Variants in FTSJ3 observed in about 807,000 individuals in gnomAD.
FTSJ3 encodes pre-rRNA 2'-O-ribose RNA methyltransferase FTSJ3.
In FTSJ3, 46 loss-of-function variants were observed where a neutral mutation model predicts 111.5. That is an observed-to-expected ratio of 0.41 (90% CI 0.33 to 0.53). The LOEUF (loss-of-function observed/expected upper bound fraction) is 0.53, where lower values mean the gene tolerates loss of function less well. FTSJ3 is among the 20% of genes least tolerant of loss of function. The pLI is 0.19. For missense variants in FTSJ3, 1,075 were observed against 1,063.8 expected, an observed-to-expected ratio of 1.01 and a Z score of -0.15; for synonymous variants, 408 against 383.0, an observed-to-expected ratio of 1.07 and a Z score of -0.76.
At position 63,820,890 on chromosome 17, in the gene FTSJ3, A is replaced by C. The variant is rs114729867; in HGVS notation, c.2021T>G (p.Ile674Ser). 1.2e-6 allele frequency: 2 copies of C among 1,614,076 alleles called. No individual in the cohort carries two copies. The highest frequency in any genetic ancestry group is 2.7e-5 in the African/African-American group (2 of 74,932). Reference sequence around the variant, plus strand: ...TCTCTTGGCCTTTTTGGAAGAGGCAATAACAGCACCTAGAGCAAGGCCTTC... The same window carrying C: ...TCTCTTGGCCTTTTTGGAAGAGGCACTAACAGCACCTAGAGCAAGGCCTTC... Reference protein sequence around the residue: ...DPEGLALGAVIASSKKAKRDL... With the variant: ...DPEGLALGAVSASSKKAKRDL... The change falls in exon 18 of 21, where the codon ATT becomes AGT. Residue 674 changes from isoleucine (I) to serine (S), a missense_variant. Coordinates refer to ENST00000427159, the MANE Select transcript of FTSJ3 (RefSeq NM_017647.4).
In FTSJ3 at chr17:63,823,822, G is replaced by A; in HGVS notation, c.1285C>T (p.His429Tyr). 6.2e-7 allele frequency: 1 copy of A among 1,613,928 alleles called. No individual in the cohort carries two copies. The highest frequency in any genetic ancestry group is 1.1e-5 in the South Asian group (1 of 91,060). The change falls in exon 13 of 21, where the codon CAC (histidine) becomes TAC (tyrosine). Residue 429 changes from histidine (H) to tyrosine (Y), a missense_variant. By Grantham distance (83) the His-to-Tyr change is moderately conservative. This residue lies in a region of FTSJ3 where 867 missense variants were observed against 796.9 expected (regional missense o/e 1.09). Transcript: ENST00000427159. ...CACCCCCAATGCCGCCTCACCTGGT[G>A]ACCCCGGATGGTGCTCAAGGAGAAC... is the stretch of plus-strand genomic sequence containing the variant. ...GMFSLSTIRG[H>Y]QLLEEVTQGD...
At position 63,821,524 on chromosome 17, in the gene FTSJ3, C is replaced by T; in HGVS notation, c.1716G>A (p.Gln572=). 1 of 1,614,126 alleles carries T rather than the reference C, an allele frequency of 6.2e-7. No homozygotes were observed. The highest frequency in any genetic ancestry group is 8.5e-7 in the Non-Finnish European group (1 of 1,180,040). The change falls in exon 16 of 21, where the codon CAG becomes CAA. Residue 572 remains glutamine (Q), a synonymous_variant. Transcript: ENST00000427159. Reference sequence around the variant, plus strand: ...CAGTCTTCAAACAGGAAGGGGGTGTCTGTGGCAGCTGCTGCTTCTGCTGCT... The same window carrying T: ...CAGTCTTCAAACAGGAAGGGGGTGTTTGTGGCAGCTGCTGCTTCTGCTGCT... ...RQQQQKQQLP[Q]TPPSCLKTEI...
rs990844017 is a variant in FTSJ3, at chr17:63,823,757, C to T, written c.1290+60G>A. Reference sequence around the variant, plus strand: ...TAAAAAGACATTCAACACCCCCCACCTCCAAACACCCAAACAGATCCTTCT... The same window carrying T: ...TAAAAAGACATTCAACACCCCCCACTTCCAAACACCCAAACAGATCCTTCT... On this transcript the variant is annotated intron_variant, in intron 13 of 20. Coordinates refer to ENST00000427159, the MANE Select transcript of FTSJ3 (RefSeq NM_017647.4). 1.3e-5 allele frequency: 21 copies of T among 1,575,918 alleles called. No individual in the cohort carries two copies. The African/African-American group carries it at 1.8e-4, about 13-fold the overall frequency.
intron 8 of FTSJ3, 35 bp from the exon 9 acceptor site, chr17:63,824,964 C>T (rs2040084364): frequency 1.3e-6 from 2 of 1,577,800 alleles, no homozygotes; most frequent in Admixed American, 1.8e-5. Flanking sequence ...TGGTCAGGCC[C>T]TTCTAAGGTA....
Position 63,821,773 on chromosome 17 carries a change from C to T in FTSJ3, c.1546G>A (p.Glu516Lys). ...TCTTCCTGCAGTACTGCCTTTTCCT[C>T]CAGTGGTACCAGCAGTGGATTCTCC... Reference protein sequence around the residue: ...EEENPLLVPLEEKAVLQEEQA... With the variant: ...EEENPLLVPLKEKAVLQEEQA... The change falls in exon 15 of 21, where the codon GAG becomes AAG. Residue 516 changes from glutamate (E) to lysine (K), a missense_variant. Coordinates refer to ENST00000427159, the MANE Select transcript of FTSJ3 (RefSeq NM_017647.4). The T allele has an allele frequency of 6.2e-7, 1 of 1,614,152 alleles. No individual in the cohort carries two copies. Among genetic ancestry groups the T allele is most frequent in the Non-Finnish European group, 8.5e-7 (1 of 1,180,014 alleles).
chr17:63,825,438 T>G lies in FTSJ3; in HGVS notation c.401-2A>C, dbSNP rs1335407093. 1 of 1,614,014 alleles carries G rather than the reference T, an allele frequency of 6.2e-7. No individual in the cohort carries two copies. The highest frequency in any genetic ancestry group is 8.5e-7 in the Non-Finnish European group (1 of 1,180,022). On this transcript the variant is annotated splice_acceptor_variant, in intron 6 of 20. Transcript: ENST00000427159. LOFTEE classifies it high-confidence loss of function. ...GTAGAGCCATCAGTGTCAAATGGGC[T>G]GTAGGATAGAGACAATTAGTTGACG...
At position 63,827,450 on chromosome 17, in the gene FTSJ3, A is replaced by G. The variant is rs963903728; in HGVS notation, c.-425T>C. The stretch of plus-strand genomic sequence containing the variant: ...TCCTCCGCTTCCGCGCTTGCGCGCC[A>G]AGACGGCTCGGATGCCGGCGGTCTC... On this transcript the variant is annotated 5_prime_UTR_variant, in exon 1 of 21. Coordinates refer to ENST00000427159, the MANE Select transcript of FTSJ3 (RefSeq NM_017647.4). The G allele has an allele frequency of 1.7e-5, 26 of 1,551,600 alleles. No homozygotes were observed. The Admixed American group carries it at 3.9e-4, about 23-fold the overall frequency.
At chr17:63,821,315 G>A (rs1354420348) in intron 16 of FTSJ3, 39 bp downstream of exon 16, 20 of 1,574,242 alleles carry the variant, frequency 1.3e-5, no homozygotes, top group East Asian at 1.1e-4. Flanking sequence ...TCAAGCCACC[G>A]CTTCCTTTCC....
chr17:63,823,706 C>G, intron 13 of FTSJ3, 111 bp downstream of exon 13: 1 of 1,241,228 alleles, frequency 8.1e-7, no homozygotes, highest in Non-Finnish European at 1.1e-6. Context: ...GTGAAGACAG[C>G]AACCACAGCC....
intron 5 of FTSJ3, 178 bp from the exon 6 acceptor site, chr17:63,825,813 C>G: frequency 1.6e-6 from 1 of 641,810 alleles, no homozygotes; most frequent in East Asian, 2.7e-5. Flanking sequence ...TACAGTCTGA[C>G]ACTGAATTCA....
Position 63,827,166 on chromosome 17 carries a change from TG to T in FTSJ3, c.-142del. 1 of 606,948 alleles carries T rather than the reference TG, an allele frequency of 1.6e-6. No individual in the cohort carries two copies. The highest frequency in any genetic ancestry group is 2.9e-6 in the Non-Finnish European group (1 of 342,884). The allele number at this position is 606,948 out of a possible 1,614,324, so 37.6% of individuals were successfully genotyped here. On this transcript the variant is annotated 5_prime_UTR_variant, in exon 1 of 21. Transcript: ENST00000427159. ...GCTCGAGGTTTTCCGCCATTTTGAG[TG>T]TGGCCCTAGATTGTTCTCAATACTC...
chr17:63,826,602 T>G lies in FTSJ3; in HGVS notation c.138A>C (p.Arg46=). 1.2e-6 allele frequency: 2 copies of G among 1,614,068 alleles called. No individual in the cohort carries two copies. The highest frequency in any genetic ancestry group is 1.6e-4 in the Middle Eastern group (1 of 6,062). Residue 46 remains arginine, a synonymous_variant, in exon 3 of 21, where the codon CGA becomes CGC. Coordinates refer to ENST00000427159, the MANE Select transcript of FTSJ3 (RefSeq NM_017647.4). ...NRRFQFLQKA[R]ALLDLCAAPG... is the part of the protein sequence containing the mutation. ...GCGCAGCACACAGGTCCAGCAAGGCTCGGGCTTTCTGCAGGAACTGAAAGC... is the reference window on the plus strand; with the variant it reads ...GCGCAGCACACAGGTCCAGCAAGGCGCGGGCTTTCTGCAGGAACTGAAAGC...
Position 63,825,232 on chromosome 17 carries a change from T to C in FTSJ3, c.595+10A>G. 6.2e-7 allele frequency: 1 copy of C among 1,614,026 alleles called. No individual in the cohort carries two copies. Reference sequence around the variant, plus strand: ...GGAGCCTGGATCAAGAGAAAGGAAATGATGCCCACCTTGGCAGACTACAAA... The same window carrying C: ...GGAGCCTGGATCAAGAGAAAGGAAACGATGCCCACCTTGGCAGACTACAAA... On this transcript the variant is annotated intron_variant, in intron 7 of 20. Transcript: ENST00000427159.
Position 63,827,566 on chromosome 17 carries a change from G to A in FTSJ3, c.-541C>T, listed in dbSNP as rs1330653528. On this transcript the variant is annotated 5_prime_UTR_variant, in exon 1 of 21. Coordinates refer to ENST00000427159, the MANE Select transcript of FTSJ3 (RefSeq NM_017647.4). The stretch of plus-strand genomic sequence containing the variant: ...CAGGTTACGGGGCTGGGTGCGGAGC[G>A]AGCGTGATCTGAGTGGAGAGCGGGC... 1.9e-6 allele frequency: 3 copies of A among 1,551,322 alleles called. No individual in the cohort carries two copies. The highest frequency in any genetic ancestry group is 2.6e-6 in the Non-Finnish European group (3 of 1,146,918).
rs2040034554 is a variant in FTSJ3, at chr17:63,820,188, G to A, written c.2257-15C>T. 6.2e-7 allele frequency: 1 copy of A among 1,613,750 alleles called. No homozygotes were observed. The highest frequency in any genetic ancestry group is 1.3e-5 in the African/African-American group (1 of 74,882). On this transcript the variant is annotated splice_polypyrimidine_tract_variant and intron_variant, in intron 19 of 20. Coordinates refer to ENST00000427159, the MANE Select transcript of FTSJ3 (RefSeq NM_017647.4). ...CTCTTCAGCATCTGCAAAGGAACCT[G>A]TCAGGTGACCTCTTCCCCATCCCCC...
chr17:63,822,587 T>C (rs1208757384), intron 13 of FTSJ3, among the ~76,000 whole-genome samples: 1 of 152,234 alleles, frequency 6.6e-6, no homozygotes, highest in Non-Finnish European at 1.5e-5. Context: ...CCAACAAAAC[T>C]GTTCCACTTA....
chr17:63,823,347 G>A (rs1184591004), intron 13 of FTSJ3, among the ~76,000 whole-genome samples: 2 of 152,210 alleles, frequency 1.3e-5, no homozygotes, highest in African/African-American at 2.4e-5. Context: ...TGTAATCCCA[G>A]CACTTTGGGA....
In FTSJ3 at chr17:63,820,940, T is replaced by A; in HGVS notation, c.1973-2A>T. The A allele has an allele frequency of 1.2e-6, 2 of 1,613,888 alleles. No individual in the cohort carries two copies. Among genetic ancestry groups the A allele is most frequent in the Non-Finnish European group, 1.7e-6 (2 of 1,179,768 alleles). On this transcript the variant is annotated splice_acceptor_variant, in intron 17 of 20. Coordinates refer to ENST00000427159, the MANE Select transcript of FTSJ3 (RefSeq NM_017647.4). LOFTEE classifies it high-confidence loss of function. ...CGGGGTCCAGTATCCGATGTTTCGC[T>A]AGAGAGGGAAGGAGAAAGGTCAAAG...
At chr17:63,821,322 T>A (rs747242761) in intron 16 of FTSJ3, 32 bp downstream of exon 16, 1 of 1,582,932 alleles carries the variant, frequency 6.3e-7, no homozygotes, top group Non-Finnish European at 8.6e-7. Context: ...ACCGCTTCCT[T>A]TCCATCCCTT....
Sources: gnomAD v4.1 joint callset for allele counts (sites outside exome capture counted in the v4.1 genomes callset) on GRCh38, gnomAD v4.1.1 for gene constraint, gnomAD v4.1.1 regional missense constraint, MANE v1.5 for transcripts, NCBI Gene and HGNC (gene_info 2026-07-23, HGNC 2026-07-21) for gene names.